LGR5: variants seen among roughly 807,000 people sequenced by gnomAD.
LGR5 encodes the protein leucine rich repeat containing G protein-coupled receptor 5.
LGR5 carries 54 observed loss-of-function variants against 76.7 expected under a neutral mutation model. The ratio of observed to expected loss-of-function variants is 0.70; its 90% confidence interval spans 0.57 to 0.88. The LOEUF is 0.88. Among genes scored for constraint, LGR5 ranks in the 40% least tolerant of loss-of-function variants. The pLI, the probability that LGR5 is intolerant of heterozygous loss-of-function variation, is 0.00. For synonymous variants in LGR5, 406 were observed against 421.9 expected, an observed-to-expected ratio of 0.96 and a Z score of 0.46; for missense variants, 1,078 against 1,073.3, an observed-to-expected ratio of 1.00 and a Z score of -0.06.
chr12:71,441,026 G>A (rs1161686665), intron 1 of LGR5, among the ~76,000 whole-genome samples: 1 of 152,084 alleles, frequency 6.6e-6, no homozygotes, highest in Non-Finnish European at 1.5e-5. Flanking sequence ...CTCTTCCCCC[G>A]GGGAGGAAAG....
At chr12:71,441,798 T>A (rs1192382315) in intron 1 of LGR5, 2 of 152,198 alleles carry the variant, frequency 1.3e-5, no homozygotes, top group Admixed American at 1.3e-4. Flanking sequence ...CACTCGTGCA[T>A]GTGGTAGTGA....
chr12:71,447,684 A>G (rs779403824), intron 1 of LGR5, among the ~76,000 whole-genome samples: 1 of 152,218 alleles, frequency 6.6e-6, no homozygotes, highest in African/African-American at 2.4e-5. Flanking sequence ...ACTAATACAC[A>G]CACCAACAAG....
intron 1 of LGR5, among the ~76,000 whole-genome samples, chr12:71,467,103 G>A (rs1293593365): frequency 6.6e-6 from 1 of 151,862 alleles, no homozygotes; most frequent in East Asian, 1.9e-4. Flanking sequence ...GGTGGGGTTT[G>A]TTTCTATTCC....
chr12:71,439,176 G>T (rs1293959363), upstream of LGR5, among the ~76,000 whole-genome samples: 2 of 152,186 alleles, frequency 1.3e-5, no homozygotes, highest in Non-Finnish European at 2.9e-5. Flanking sequence ...GCAGTGGAGT[G>T]CTCGCTCAGG....
At chr12:71,578,134 TCAGAG>T in intron 14 of LGR5, 138 bp downstream of exon 14, 1 of 629,144 alleles carries the variant, frequency 1.6e-6, no homozygotes, top group Non-Finnish European at 2.8e-6. Context: ...CTAGAGCTTG[TCAGAG>T]CCAGGGAGGA....
chr12:71,540,161 A>T (rs1876803294), intron 4 of LGR5, among the ~76,000 whole-genome samples: 1 of 152,182 alleles, frequency 6.6e-6, no homozygotes, highest in Non-Finnish European at 1.5e-5. Flanking sequence ...CAATCTATTT[A>T]AAAAATTGCT....
chr12:71,476,340 A>C, intron 1 of LGR5, among the ~76,000 whole-genome samples: 1 of 152,222 alleles, frequency 6.6e-6, no homozygotes, highest in East Asian at 1.9e-4. Flanking sequence ...CAAACTTCTA[A>C]GTGAGATCAT....
intron 1 of LGR5, among the ~76,000 whole-genome samples, chr12:71,501,795 C>T (rs1437658111): frequency 6.6e-6 from 1 of 152,108 alleles, no homozygotes; most frequent in Non-Finnish European, 1.5e-5. Context: ...TGTAAGTCCA[C>T]AGCAAATTAG....
intron 1 of LGR5, among the ~76,000 whole-genome samples, chr12:71,499,885 G>A (rs1463187461): frequency 2.6e-5 from 4 of 152,050 alleles, no homozygotes; most frequent in African/African-American, 7.2e-5. Context: ...GACTTTTCTG[G>A]CCGTGGTGTA....
intron 2 of LGR5, among the ~76,000 whole-genome samples, chr12:71,512,890 G>A (rs933425196): frequency 8.5e-5 from 13 of 152,230 alleles, no homozygotes; most frequent in African/African-American, 2.9e-4. Context: ...TAGAGATAAT[G>A]ATTGGAGAGT....
At chr12:71,544,518 T>C (rs1294856474) in intron 4 of LGR5, among the ~76,000 whole-genome samples, 1 of 149,232 alleles carries the variant, frequency 6.7e-6, no homozygotes, top group Non-Finnish European at 1.5e-5. Flanking sequence ...AATCACACAT[T>C]ATGGTCTCCA....
At chr12:71,552,996 G>T in intron 4 of LGR5, 77 bp from the exon 5 acceptor site, 1 of 1,328,984 alleles carries the variant, frequency 7.5e-7, no homozygotes, top group East Asian at 2.3e-5. Context: ...ATCATGCATG[G>T]GGAGGGTTTT....
At chr12:71,496,391 A>AAAAAG (rs1555169618) in intron 1 of LGR5, among the ~76,000 whole-genome samples, 4 of 115,036 alleles carry the variant, frequency 3.5e-5, no homozygotes, top group African/African-American at 1.3e-4. Context: ...AAAAAAAAAA[A>AAAAAG]AGAGAGAGAG....
At chr12:71,531,930 T>C (rs1333756427) in intron 3 of LGR5, among the ~76,000 whole-genome samples, 1 of 152,152 alleles carries the variant, frequency 6.6e-6, no homozygotes, top group East Asian at 1.9e-4. Flanking sequence ...AAGAAAGATA[T>C]ATAAAGCAGC....
chr12:71,561,090 C>G (rs1260135993), intron 7 of LGR5, among the ~76,000 whole-genome samples: 2 of 152,116 alleles, frequency 1.3e-5, no homozygotes, highest in African/African-American at 4.8e-5. Flanking sequence ...AGACATACAG[C>G]TAAAGGAGAC....
chr12:71,494,428 T>A (rs1421385058), intron 1 of LGR5, among the ~76,000 whole-genome samples: 1 of 151,078 alleles, frequency 6.6e-6, no homozygotes, highest in Non-Finnish European at 1.5e-5. Context: ...GATCAGCTAG[T>A]TCTTTGTAAG....
chr12:71,445,470 T>C (rs1871946835), intron 1 of LGR5, among the ~76,000 whole-genome samples: 1 of 152,206 alleles, frequency 6.6e-6, no homozygotes, highest in Admixed American at 6.5e-5. Context: ...ATCCACACTT[T>C]AATTTAACCA....
chr12:71,509,331 A>C (rs1875028041), intron 2 of LGR5, among the ~76,000 whole-genome samples: 1 of 152,252 alleles, frequency 6.6e-6, no homozygotes, highest in African/African-American at 2.4e-5. Flanking sequence ...ACCTTCAAAA[A>C]GATTTTAACC....
intron 13 of LGR5, among the ~76,000 whole-genome samples, chr12:71,573,926 T>C (rs570577232): frequency 8.1e-4 from 104 of 128,386 alleles, no homozygotes; most frequent in Non-Finnish European, 1.2e-3. Flanking sequence ...AAAAAAAAAG[T>C]GTAAAAGGAA....
Sources: allele counts gnomAD v4.1 joint callset (sites outside exome capture counted in the v4.1 genomes callset), GRCh38; gene constraint gnomAD v4.1.1; transcripts MANE v1.5; gene names NCBI Gene and HGNC (gene_info 2026-07-23, HGNC 2026-07-21).